Variants in ANKS1B observed in about 807,000 individuals in gnomAD.
ANKS1B encodes the protein ankyrin repeat and sterile alpha motif domain-containing protein 1B.
Under a neutral mutation model 148.3 loss-of-function variants are expected in ANKS1B, and 36 were observed. The ratio of observed to expected loss-of-function variants is 0.24; its 90% CI spans 0.19 to 0.32. ANKS1B has a LOEUF of 0.32. ANKS1B is among the 10% of genes least tolerant of loss of function. The probability of loss-of-function intolerance (pLI) is 1.00; values close to 1 mark genes in which losing one functional copy is unlikely to be tolerated. For missense variants in ANKS1B, 1,157 were observed against 1,542.6 expected, an observed-to-expected ratio of 0.75 and a Z score of 4.19; for synonymous variants, 542 against 560.8, an observed-to-expected ratio of 0.97 and a Z score of 0.47.
Position 98,760,279 on chromosome 12 carries a change from T to C in ANKS1B, c.3580-8757A>G, listed in dbSNP as rs556826138. Among the ~76,000 whole-genome samples, 7 of 152,194 alleles carry C rather than the reference T, an allele frequency of 4.6e-5. No individual in the cohort carries two copies. In the South Asian group the frequency reaches 1.5e-3, roughly 32 times the overall value. On this transcript the variant is annotated intron_variant, in intron 25 of 26. Coordinates refer to ENST00000683438, the MANE Select transcript of ANKS1B (RefSeq NM_001352186.2). ...AAATAGTCTTATTCTTGCTTTTTTTTTTTGAGACAGGGTCTTGCTCTGTTG... is the reference window on the plus strand; with the variant it reads ...AAATAGTCTTATTCTTGCTTTTTTTCTTTGAGACAGGGTCTTGCTCTGTTG...
intron 9 of ANKS1B, among the ~76,000 whole-genome samples, chr12:99,569,476 C>G (rs879694839): frequency 5.9e-5 from 9 of 152,056 alleles, no homozygotes; most frequent in Non-Finnish European, 1.2e-4. Flanking sequence ...TGTAAAATAC[C>G]CGGCACATAA....
intron 15 of ANKS1B, among the ~76,000 whole-genome samples, chr12:99,134,067 G>A (rs752585096): frequency 6.6e-6 from 1 of 152,062 alleles, no homozygotes. Context: ...CTACCCTCTA[G>A]GGAAGAAATA....
chr12:99,257,378 C>T (rs1011455714), intron 12 of ANKS1B, among the ~76,000 whole-genome samples: 1 of 152,170 alleles, frequency 6.6e-6, no homozygotes, highest in African/African-American at 2.4e-5. Context: ...GAATTTTTTT[C>T]AAATGTATCC....
chr12:99,863,100 A>T (rs1565883348), intron 1 of ANKS1B, among the ~76,000 whole-genome samples: 2 of 152,088 alleles, frequency 1.3e-5, no homozygotes. Flanking sequence ...ATACAGGCTG[A>T]CCTTAAGATG....
intron 5 of ANKS1B, 146 bp from the exon 6 acceptor site, chr12:99,780,118 T>TAC (rs778634617): frequency 9.8e-6 from 6 of 614,702 alleles, no homozygotes; most frequent in African/African-American, 3.8e-5. Context: ...CACACACACA[T>TAC]ACACACACAC....
At chr12:99,517,498 A>T (rs1429847574) in intron 9 of ANKS1B, among the ~76,000 whole-genome samples, 4 of 151,630 alleles carry the variant, frequency 2.6e-5, no homozygotes, top group Non-Finnish European at 4.4e-5. Flanking sequence ...TGGGCGGATC[A>T]TCTGAGGTAA....
intron 9 of ANKS1B, among the ~76,000 whole-genome samples, chr12:99,597,297 T>C (rs1039378): frequency 0.6 from 91,413 of 151,480 alleles, 28,590 homozygotes; most frequent in African/African-American, 0.77. Context: ...TACAACACAC[T>C]ACATTAAATG....
intron 10 of ANKS1B, among the ~76,000 whole-genome samples, chr12:99,458,698 T>G (rs2095889370): frequency 6.6e-6 from 1 of 151,692 alleles, no homozygotes; most frequent in Non-Finnish European, 1.5e-5. Context: ...ATAACCCTCC[T>G]AGATTAAACC....
At chr12:99,134,645 TCACACACACACACACACACACA>T (rs4016023) in intron 15 of ANKS1B, among the ~76,000 whole-genome samples, 30 of 105,104 alleles carry the variant, frequency 2.9e-4, no homozygotes, top group Admixed American at 1.5e-3. Flanking sequence ...TCTCTCTCTC[TCACACACACACACACACACACA>T]CACACACACA....
chr12:98,997,278 T>C (rs962264670), intron 17 of ANKS1B, among the ~76,000 whole-genome samples: 6 of 152,116 alleles, frequency 3.9e-5, no homozygotes, highest in African/African-American at 1.4e-4. Context: ...AGTAGGAACA[T>C]AGCAAGGAGA....
At position 99,511,924 on chromosome 12, in the gene ANKS1B, C is replaced by T. The variant is rs1023077797; in HGVS notation, c.1273-7283G>A. Among the ~76,000 whole-genome samples the T allele has an allele frequency of 2.0e-5, 3 of 151,720 alleles. No homozygotes were observed. The South Asian group carries it at 6.2e-4, about 31-fold the overall frequency. On this transcript the variant is annotated intron_variant, in intron 9 of 26. Transcript: ENST00000683438. ...TACAAAAATTAACTAAAGATGGATT[C>T]ATGATTTCAATATAAAATGTAAAAC... is the stretch of plus-strand genomic sequence containing the variant.
intron 17 of ANKS1B, among the ~76,000 whole-genome samples, chr12:98,886,725 C>T (rs183484865): frequency 1.3e-3 from 193 of 152,110 alleles, no homozygotes; most frequent in African/African-American, 4.4e-3. Context: ...AAAAAATCAC[C>T]TACAAAGGGT....
Position 99,805,895 on chromosome 12 carries a change from T to C in ANKS1B, c.669+509A>G, listed in dbSNP as rs539493207. Among the ~76,000 whole-genome samples the C allele has an allele frequency of 3.3e-5, 5 of 152,292 alleles. No individual in the cohort carries two copies. In the East Asian group the frequency reaches 9.7e-4, roughly 29 times the overall value. On this transcript the variant is annotated intron_variant, in intron 4 of 26. Coordinates refer to ENST00000683438, the MANE Select transcript of ANKS1B (RefSeq NM_001352186.2). The stretch of plus-strand genomic sequence containing the variant: ...AGTCTAAATTCACATCCCGGTTTTA[T>C]CAACTATGTGTCCTTAGACAAATTT...
At chr12:99,165,366 G>C (rs1220033952) in intron 14 of ANKS1B, among the ~76,000 whole-genome samples, 3 of 151,758 alleles carry the variant, frequency 2.0e-5, no homozygotes, top group Non-Finnish European at 4.4e-5. Flanking sequence ...AGTCCAACTG[G>C]TAAATCTCTA....
At chr12:98,949,198 C>T (rs566630676) in intron 17 of ANKS1B, among the ~76,000 whole-genome samples, 19 of 151,944 alleles carry the variant, frequency 1.3e-4, no homozygotes, top group East Asian at 3.9e-4. Context: ...GTGATCTGCC[C>T]GCCTTGGCCT....
intron 12 of ANKS1B, among the ~76,000 whole-genome samples, chr12:99,317,553 G>A (rs2154029395): frequency 6.6e-6 from 1 of 152,286 alleles, no homozygotes; most frequent in South Asian, 2.1e-4. Flanking sequence ...TCAGCTTAAG[G>A]AGATTTTGGG....
chr12:99,611,687 A>G (rs932348487), intron 9 of ANKS1B, among the ~76,000 whole-genome samples: 1 of 152,052 alleles, frequency 6.6e-6, no homozygotes, highest in Non-Finnish European at 1.5e-5. Context: ...TTTAATGCCC[A>G]TTTGAGATTT....
At chr12:99,752,078 C>T (rs2061157210) in intron 8 of ANKS1B, among the ~76,000 whole-genome samples, 2 of 151,948 alleles carry the variant, frequency 1.3e-5, no homozygotes, top group African/African-American at 4.8e-5. Context: ...AAGTTCATGA[C>T]ATGCCTTCAT....
chr12:99,916,401 A>T (rs2094172429), intron 1 of ANKS1B, among the ~76,000 whole-genome samples: 2 of 152,212 alleles, frequency 1.3e-5, no homozygotes, highest in Non-Finnish European at 2.9e-5. Flanking sequence ...CAGTTAGAGT[A>T]AGAGCATTTG....
Sources: allele counts gnomAD v4.1 joint callset (sites outside exome capture counted in the v4.1 genomes callset), GRCh38; gene constraint gnomAD v4.1.1; transcripts MANE v1.5; gene names NCBI Gene and HGNC (gene_info 2026-07-23, HGNC 2026-07-21).